The following SP140L variants were observed in gnomAD, a reference collection of about 807,000 sequenced individuals.
SP140L encodes the protein nuclear body protein SP140-like protein.
SP140L carries 64 observed loss-of-function variants against 84.3 expected under a neutral mutation model. The observed-to-expected ratio is 0.76, with a 90% CI of 0.62 to 0.94. The LOEUF (loss-of-function observed/expected upper bound fraction) is 0.94. Ranked by LOEUF, SP140L falls within the 40% of genes least tolerant of loss-of-function variation. SP140L has a pLI of 0.00. For synonymous variants in SP140L, 242 were observed against 236.9 expected (o/e 1.02, Z -0.20); for missense variants, 628 against 692.5 (o/e 0.91, Z 1.05).
rs1024528491 is a variant in SP140L, at chr2:230,327,279, G to T, written c.10G>T (p.Gly4Trp). ...GGCCTAGGGTGGGACGATGGCAGGT[G>T]GGGGCAGCGACCTGAGCACCAGGTG... The part of the protein sequence containing the change: MAG[G>W]GSDLSTRGLN... Residue 4 changes from glycine (G) to tryptophan (W), a missense_variant, in exon 1 of 19, where the codon GGG (glycine) becomes TGG (tryptophan). By Grantham distance (184) the Gly-to-Trp change is radical. This residue lies in a region of SP140L where 525 missense variants were observed against 518.4 expected (regional missense o/e 1.01). Transcript: ENST00000415673. The T allele has an allele frequency of 6.2e-7, 1 of 1,611,674 alleles. No individual in the cohort carries two copies. Among genetic ancestry groups the T allele is most frequent in the Non-Finnish European group, 8.5e-7 (1 of 1,178,936 alleles).
chr2:230,371,165 G>A (rs894007028), intron 6 of SP140L, among the ~76,000 whole-genome samples, 198 bp downstream of exon 6: 5 of 152,202 alleles, frequency 3.3e-5, no homozygotes, highest in Non-Finnish European at 2.9e-5. Context: ...GATTACATAT[G>A]GATGACGTCA....
At chr2:230,328,637 C>A in intron 1 of SP140L, 120 bp from the exon 2 acceptor site, 2 of 1,261,978 alleles carry the variant, frequency 1.6e-6, no homozygotes, top group African/African-American at 1.5e-5. Context: ...TTATATATTT[C>A]TCTTTTTTTT....
Position 230,371,598 on chromosome 2 carries a change from A to T in SP140L, c.584A>T (p.Asp195Val). 6.2e-7 allele frequency: 1 copy of T among 1,601,036 alleles called. No homozygotes were observed. The highest frequency in any genetic ancestry group is 1.1e-5 in the South Asian group (1 of 89,796). The change falls in exon 7 of 19, where the codon GAT becomes GTT. Residue 195 changes from aspartate (D) to valine (V), a missense_variant and splice_region_variant. Physicochemically the swap from Asp to Val is radical, Grantham distance 152 (BLOSUM62 -3). Coordinates refer to ENST00000415673, the MANE Select transcript of SP140L (RefSeq NM_138402.6). ...CTCACTACCACTTGTTATTTTCTAGATACTGTGGATATTGCAAACAACTCT... is the reference window on the plus strand; with the variant it reads ...CTCACTACCACTTGTTATTTTCTAGTTACTGTGGATATTGCAAACAACTCT... ...KESDQACGKM[D>V]TVDIANNSTL...
intron 2 of SP140L, among the ~76,000 whole-genome samples, chr2:230,341,253 C>T (rs368125870): frequency 1.2e-4 from 18 of 145,124 alleles, no homozygotes; most frequent in East Asian, 2.0e-4. Flanking sequence ...CATCTTCCAT[C>T]GCTGATACCC....
At position 230,356,205 on chromosome 2, in the gene SP140L, G is replaced by T. The variant is rs968282540; in HGVS notation, c.108-1600G>T. 2.6e-5 allele frequency among the ~76,000 whole-genome samples: 4 copies of T among 152,110 alleles called. 1 individual carries two copies. Among genetic ancestry groups the T allele is most frequent in the Admixed American group, 2.6e-4 (4 of 15,268 alleles). ...AAAACAGTTTGGCAGGTTTTAAAAT[G>T]GTTAAATGTACTCTTACACAATGAC... is the stretch of plus-strand genomic sequence containing the variant. On this transcript the variant is annotated intron_variant, in intron 2 of 18. Coordinates refer to ENST00000415673, the MANE Select transcript of SP140L (RefSeq NM_138402.6).
rs2061917230 is a variant in SP140L at position 230,393,554 on chromosome 2, A to C, written c.1155+93A>C. ...TTATGGAGTCTCCAATTGGGTAACT[A>C]TAATTAAGCTTTCACCTTCTCCACT... On this transcript the variant is annotated intron_variant, in intron 13 of 18. Coordinates refer to ENST00000415673, the MANE Select transcript of SP140L (RefSeq NM_138402.6). 1.1e-5 allele frequency: 15 copies of C among 1,376,590 alleles called. No individual in the cohort carries two copies. In the East Asian group the frequency reaches 4.3e-4, roughly 39 times the overall value. 85.3% of individuals were successfully genotyped at this position (1,376,590 alleles called of 1,614,324 possible).
intron 2 of SP140L, among the ~76,000 whole-genome samples, chr2:230,345,466 T>G (rs960591343): frequency 6.6e-6 from 1 of 152,206 alleles, no homozygotes; most frequent in Non-Finnish European, 1.5e-5. Context: ...TCAGGTACTC[T>G]ATTTCTTTTG....
At chr2:230,370,788 A>C in intron 5 of SP140L, 120 bp from the exon 6 acceptor site, 1 of 832,720 alleles carries the variant, frequency 1.2e-6, no homozygotes, top group Non-Finnish European at 2.0e-6. Context: ...GGCAGCAACC[A>C]GGGTGCAGAA....
chr2:230,365,901 A>G (rs1243667376), intron 5 of SP140L, among the ~76,000 whole-genome samples: 1 of 151,966 alleles, frequency 6.6e-6, no homozygotes, highest in Non-Finnish European at 1.5e-5. Flanking sequence ...GCTGCTCAAG[A>G]GTGTGTTTAA....
At chr2:230,397,224 G>A (rs939915582) in intron 14 of SP140L, among the ~76,000 whole-genome samples, 1 of 152,220 alleles carries the variant, frequency 6.6e-6, no homozygotes, top group Non-Finnish European at 1.5e-5. Flanking sequence ...GCACTCCAAG[G>A]TGCAGGTGGA....
intron 2 of SP140L, among the ~76,000 whole-genome samples, chr2:230,331,492 T>G (rs1303940494): frequency 1.3e-5 from 2 of 152,218 alleles, no homozygotes; most frequent in East Asian, 3.8e-4. Flanking sequence ...GTTTCAATAC[T>G]GAACTGTTTT....
intron 14 of SP140L, 112 bp downstream of exon 14, chr2:230,396,910 A>C: frequency 7.6e-7 from 1 of 1,322,706 alleles, no homozygotes; most frequent in Non-Finnish European, 1.1e-6. Context: ...CAGTTGGAGT[A>C]TGTGGCTGTG....
At chr2:230,364,044 A>T (rs978682038) in intron 5 of SP140L, among the ~76,000 whole-genome samples, 3 of 152,112 alleles carry the variant, frequency 2.0e-5, no homozygotes, top group Non-Finnish European at 4.4e-5. Context: ...TGCAAGTACC[A>T]TGTTCTTTTG....
At position 230,403,156 on chromosome 2, in the gene SP140L, TCTC is replaced by T. The variant is rs372535508; in HGVS notation, c.*263_*265del. 9.0e-4 allele frequency: 344 copies of T among 380,414 alleles called. 1 individual carries two copies. Among genetic ancestry groups the T allele is most frequent in the African/African-American group, 6.6e-3 (309 of 46,822 alleles). The allele number at this position is 380,414 out of a possible 1,614,324, so 23.6% of individuals were successfully genotyped here. ...CCAGCACAGACAGACTCTCACCTCT[TCTC>T]CTGAGGTCTGCTCCAGACAACATTT... On this transcript the variant is annotated 3_prime_UTR_variant, in exon 19 of 19. Transcript: ENST00000415673.
In SP140L at chr2:230,383,663, C is replaced by T. The variant is rs1206672924; in HGVS notation, c.703+88C>T. On this transcript the variant is annotated intron_variant, in intron 8 of 18. Transcript: ENST00000415673. ...CTGGAAGGCCTGCAGTTCACGAGGGCCAGGAGAGTTCTGTACTTCCTGTAT... is the reference window on the plus strand; with the variant it reads ...CTGGAAGGCCTGCAGTTCACGAGGGTCAGGAGAGTTCTGTACTTCCTGTAT... 7.7e-6 allele frequency: 10 copies of T among 1,299,780 alleles called. No individual in the cohort carries two copies. In the Middle Eastern group the frequency reaches 8.0e-4, roughly 104 times the overall value. 80.5% of individuals were successfully genotyped at this position (1,299,780 alleles called of 1,614,324 possible). A position where few individuals can be genotyped will look rare whatever the true frequency, so the allele number is the denominator to read the frequency against.
At chr2:230,330,704 A>C (rs550348533) in intron 2 of SP140L, among the ~76,000 whole-genome samples, 41 of 152,294 alleles carry the variant, frequency 2.7e-4, no homozygotes, top group Non-Finnish European at 4.4e-4. Context: ...TGATATCTTT[A>C]TGCTATTATT....
chr2:230,344,161 C>G (rs551296870), intron 2 of SP140L, among the ~76,000 whole-genome samples: 2 of 152,298 alleles, frequency 1.3e-5, no homozygotes, highest in South Asian at 4.1e-4. Flanking sequence ...GTCTAAGTCT[C>G]TTTGTAGGTT....
At chr2:230,388,681 T>G in intron 10 of SP140L, 48 bp downstream of exon 10, 3 of 1,472,560 alleles carry the variant, frequency 2.0e-6, no homozygotes, top group Non-Finnish European at 2.8e-6. Flanking sequence ...ACATCTAATT[T>G]CCTGTGCTTT....
intron 8 of SP140L, among the ~76,000 whole-genome samples, chr2:230,384,488 T>C (rs1023956173): frequency 2.6e-5 from 4 of 152,254 alleles, no homozygotes; most frequent in African/African-American, 9.6e-5. Context: ...TAGAGTCCTA[T>C]TGAAAATTGT....
Sources: gnomAD v4.1 joint callset for allele counts (sites outside exome capture counted in the v4.1 genomes callset) on GRCh38, gnomAD v4.1.1 for gene constraint, gnomAD v4.1.1 regional missense constraint, MANE v1.5 for transcripts, NCBI Gene and HGNC (gene_info 2026-07-23, HGNC 2026-07-21) for gene names.